ZFP3: variants seen among roughly 807,000 people sequenced by gnomAD.
The protein encoded by ZFP3 is zinc finger protein 3 homolog.
Under a neutral mutation model 36.7 loss-of-function variants are expected in ZFP3, and 18 were observed. That is an observed-to-expected ratio of 0.49 (90% CI 0.34 to 0.73). The LOEUF (loss-of-function observed/expected upper bound fraction) is 0.73, where lower values mean the gene tolerates loss of function less well. Ranked by LOEUF, ZFP3 falls within the 30% of genes least tolerant of loss-of-function variation. ZFP3 has a pLI of 0.01. For synonymous variants in ZFP3, 218 were observed against 199.0 expected (o/e 1.10, Z -0.81); for missense variants, 495 against 599.0 (o/e 0.83, Z 1.81).
chr17:5,088,898 A>G (rs1336817949), intron 1 of ZFP3, among the ~76,000 whole-genome samples: 8 of 152,192 alleles, frequency 5.3e-5, no homozygotes, highest in Non-Finnish European at 1.5e-5. Flanking sequence ...ATACATTCCC[A>G]TGCCCCCTTG....
At chr17:5,083,255 T>G (rs2072103156) in intron 1 of ZFP3, among the ~76,000 whole-genome samples, 1 of 152,104 alleles carries the variant, frequency 6.6e-6, no homozygotes, top group Non-Finnish European at 1.5e-5. Context: ...GTAGGATAAC[T>G]CCAGTCATTA....
At chr17:5,081,670 T>G (rs1170426959) in intron 1 of ZFP3, among the ~76,000 whole-genome samples, 1 of 151,470 alleles carries the variant, frequency 6.6e-6, no homozygotes, top group South Asian at 2.1e-4. Flanking sequence ...GGTGCGATCT[T>G]GGCTCACTGC....
Position 5,093,468 on chromosome 17 carries a change from T to A in ZFP3, c.*455T>A, listed in dbSNP as rs2072161968. 5.9e-6 allele frequency: 1 copy of A among 170,066 alleles called. No individual in the cohort carries two copies. Among genetic ancestry groups the A allele is most frequent in the South Asian group, 2.0e-4 (1 of 4,966 alleles). The allele number at this position is 170,066 out of a possible 1,614,324, so 10.5% of individuals were successfully genotyped here. On this transcript the variant is annotated 3_prime_UTR_variant, in exon 2 of 2. Transcript: ENST00000318833. ...TGGATCACATAACAAACATTAAGGG[T>A]CTGTACCAGCCATCTTTCCTAAATT... is the stretch of plus-strand genomic sequence containing the variant.
intron 1 of ZFP3, among the ~76,000 whole-genome samples, chr17:5,080,733 C>T (rs2072088869): frequency 6.6e-6 from 1 of 152,100 alleles, no homozygotes; most frequent in Non-Finnish European, 1.5e-5. Flanking sequence ...CTCCCAGCCC[C>T]CCTTCATTTC....
chr17:5,088,783 C>T (rs1209208356), intron 1 of ZFP3, among the ~76,000 whole-genome samples: 1 of 152,178 alleles, frequency 6.6e-6, no homozygotes, highest in Non-Finnish European at 1.5e-5. Flanking sequence ...ACTAAACGAC[C>T]ACGAGTGTGC....
At chr17:5,083,332 T>G (rs1445229561) in intron 1 of ZFP3, among the ~76,000 whole-genome samples, 1 of 152,046 alleles carries the variant, frequency 6.6e-6, no homozygotes, top group Non-Finnish European at 1.5e-5. Context: ...CCGAGGTGGA[T>G]GGATCACCTG....
Position 5,095,357 on chromosome 17 carries a change from G to T in ZFP3, c.*2344G>T, listed in dbSNP as rs951319160. 1.2e-5 allele frequency: 2 copies of T among 167,072 alleles called. No homozygotes were observed. Among genetic ancestry groups the T allele is most frequent in the Admixed American group, 1.3e-4 (2 of 15,274 alleles). The allele number at this position is 167,072 out of a possible 1,614,324, so 10.3% of individuals were successfully genotyped here. A position where few individuals can be genotyped will look rare whatever the true frequency, so the allele number is the denominator to read the frequency against. ...TTCCCTTAGGTTGATTACAAGTGAA[G>T]TGCGCCGTCTTATTCCTTTTTCATT... On this transcript the variant is annotated 3_prime_UTR_variant, in exon 2 of 2. Coordinates refer to ENST00000318833, the MANE Select transcript of ZFP3 (RefSeq NM_153018.3).
chr17:5,088,149 C>G (rs998552297), intron 1 of ZFP3, among the ~76,000 whole-genome samples: 4 of 152,166 alleles, frequency 2.6e-5, no homozygotes, highest in Non-Finnish European at 5.9e-5. Context: ...TACCTTGAAA[C>G]TCATTTTGTC....
chr17:5,093,175 CT>C lies in ZFP3; in HGVS notation c.*180del, dbSNP rs61053618. The C allele has an allele frequency of 0.23, 111,056 of 473,450 alleles. 3,363 individuals carry two copies. The highest frequency in any genetic ancestry group is 0.36 in the African/African-American group (16,705 of 46,470). The allele number at this position is 473,450 out of a possible 1,614,324, so 29.3% of individuals were successfully genotyped here. On this transcript the variant is annotated 3_prime_UTR_variant, in exon 2 of 2. Transcript: ENST00000318833. Reference sequence around the variant, plus strand: ...ATAGTTGGTTGAAGAAGATGAGGCACTTTTTTTTTTTTTTTTTTAAGCATTG... The same window carrying C: ...ATAGTTGGTTGAAGAAGATGAGGCACTTTTTTTTTTTTTTTTTAAGCATTG...
rs767365421 is a variant in ZFP3 at position 5,092,037 on chromosome 17, T to G, written c.533T>G (p.Phe178Cys). 2.5e-6 allele frequency: 4 copies of G among 1,614,034 alleles called. No individual in the cohort carries two copies. In the Admixed American group the frequency reaches 5.0e-5, roughly 20 times the overall value. ...GAATGTAAAGAATGTGGAAAGACAT[T>G]TGGAACTAATTCAAGCCTTCGACGG... ...PFECKECGKT[F>C]GTNSSLRRHL... The change falls in exon 2 of 2, where the codon TTT (phenylalanine) becomes TGT (cysteine). Residue 178 changes from phenylalanine to cysteine, a missense_variant. Around this residue, in one of 3 missense-constraint regions of ZFP3, gnomAD observed 229 missense variants for 233.8 expected, o/e 0.98. Coordinates refer to ENST00000318833, the MANE Select transcript of ZFP3 (RefSeq NM_153018.3). The surrounding 1 kb of genome is among the most constrained non-coding windows in gnomAD (Gnocchi z 5.0).
At position 5,078,823 on chromosome 17, in the gene ZFP3, G is replaced by A. The variant is rs564808338; in HGVS notation, c.-9+248G>A. 6.6e-6 allele frequency among the ~76,000 whole-genome samples: 1 copy of A among 152,316 alleles called. No homozygotes were observed. The highest frequency in any genetic ancestry group is 1.9e-4 in the East Asian group (1 of 5,184). ...TGGTTTGGTGCCTGTCAGCCGTGGG[G>A]GTGGGAGAAGCAGGGACACTCCCTT... On this transcript the variant is annotated intron_variant, in intron 1 of 1. Coordinates refer to ENST00000318833, the MANE Select transcript of ZFP3 (RefSeq NM_153018.3). The surrounding 1 kb of genome is among the most constrained non-coding windows in gnomAD (Gnocchi z 4.5).
rs765596372 is a variant in ZFP3, at chr17:5,092,929, G to A, written c.1425G>A (p.Lys475=). The A allele has an allele frequency of 2.5e-6, 4 of 1,613,880 alleles. No homozygotes were observed. In the South Asian group the frequency reaches 3.3e-5, roughly 13 times the overall value. The change falls in exon 2 of 2, where the codon AAG becomes AAA. Residue 475 remains lysine, a synonymous_variant. Transcript: ENST00000318833. The surrounding 1 kb of genome is among the most constrained non-coding windows in gnomAD (Gnocchi z 5.0). ...ATCAGAGAATTCACACTGGAGAGAA[G>A]CCTTATGAGTGCCAAGAATGTCAGA... ...IIHQRIHTGE[K]PYECQECQKT...
At chr17:5,089,063 G>C (rs2072136341) in intron 1 of ZFP3, among the ~76,000 whole-genome samples, 2 of 152,136 alleles carry the variant, frequency 1.3e-5, no homozygotes, top group Non-Finnish European at 2.9e-5. Context: ...TATTCTCCTG[G>C]CATTTGGACC....
intron 1 of ZFP3, among the ~76,000 whole-genome samples, chr17:5,088,744 G>A (rs1401362982): frequency 2.0e-5 from 3 of 152,254 alleles, no homozygotes; most frequent in Non-Finnish European, 4.4e-5. Context: ...CACCACGCCC[G>A]GCCAGGCCCA....
At position 5,091,976 on chromosome 17, in the gene ZFP3, C is replaced by A. The variant is rs768916657; in HGVS notation, c.472C>A (p.Gln158Lys). The A allele has an allele frequency of 6.2e-7, 1 of 1,614,024 alleles. No individual in the cohort carries two copies. The highest frequency in any genetic ancestry group is 8.5e-7 in the Non-Finnish European group (1 of 1,179,930). The stretch of plus-strand genomic sequence containing the variant: ...CTTTAATCAGAACTCACATCTCATC[C>A]AGCATATGAGAGTTCATAGTGGAGA... ...KAFNQNSHLI[Q>K]HMRVHSGEKP... Residue 158 changes from glutamine (Q) to lysine (K), a missense_variant, in exon 2 of 2, where the codon CAG becomes AAG. Physicochemically the swap from Gln to Lys is moderately conservative, Grantham distance 53 (BLOSUM62 1). Transcript: ENST00000318833.
intron 1 of ZFP3, among the ~76,000 whole-genome samples, chr17:5,091,184 A>T (rs76422079): frequency 2.4e-3 from 368 of 152,210 alleles, no homozygotes; most frequent in Non-Finnish European, 4.4e-3. Context: ...TGTCCACCAT[A>T]ATCCTAAATC....
At position 5,083,723 on chromosome 17, in the gene ZFP3, C is replaced by T. The variant is rs568687419; in HGVS notation, c.-9+5148C>T. On this transcript the variant is annotated intron_variant, in intron 1 of 1. Coordinates refer to ENST00000318833, the MANE Select transcript of ZFP3 (RefSeq NM_153018.3). ...TAACAGATTTCTCAGTGGATTCTCA[C>T]GCAGCTAGCCTAGTTCCAGGCCAGG... is the stretch of plus-strand genomic sequence containing the variant. Among the ~76,000 whole-genome samples the T allele has an allele frequency of 4.6e-5, 7 of 152,214 alleles. No individual in the cohort carries two copies. The South Asian group carries it at 8.3e-4, about 18-fold the overall frequency.
intron 1 of ZFP3, among the ~76,000 whole-genome samples, chr17:5,089,265 G>A (rs8074081): frequency 0.15 from 22,124 of 152,108 alleles, 1,910 homozygotes; most frequent in African/African-American, 0.24. Flanking sequence ...AGGGTCCCAG[G>A]TTCCTTCCAG....
intron 1 of ZFP3, among the ~76,000 whole-genome samples, chr17:5,081,977 C>T (rs1022627763): frequency 3.4e-5 from 5 of 147,220 alleles, no homozygotes; most frequent in Non-Finnish European, 6.0e-5. Flanking sequence ...TTTTGGAGGC[C>T]GAGGTGGGTG....
Sources: gnomAD v4.1 joint callset for allele counts (sites outside exome capture counted in the v4.1 genomes callset) on GRCh38, gnomAD v4.1.1 for gene constraint, gnomAD v4.1.1 regional missense constraint, Gnocchi (gnomAD v3.1) non-coding constraint, MANE v1.5 for transcripts, NCBI Gene and HGNC (gene_info 2026-07-23, HGNC 2026-07-21) for gene names.